DNM2: variants seen among roughly 807,000 people sequenced by gnomAD.
The protein encoded by DNM2 is dynamin 2.
A neutral mutation model predicts 99.0 loss-of-function variants in DNM2; 15 were observed. The observed-to-expected ratio is 0.15, with a 90% CI of 0.10 to 0.23. The LOEUF is 0.23. Ranked by LOEUF, DNM2 falls within the 10% of genes least tolerant of loss-of-function variation. DNM2 has a pLI of 1.00. For synonymous variants in DNM2, 525 were observed against 481.2 expected (o/e 1.09, Z -1.19); for missense variants, 742 against 1,189.4 (o/e 0.62, Z 5.53).
intron 3 of DNM2, among the ~76,000 whole-genome samples, chr19:10,774,882 G>A (rs913461991): frequency 2.3e-4 from 35 of 151,076 alleles, no homozygotes; most frequent in East Asian, 1.9e-4. Flanking sequence ...CGATCCTCCC[G>A]CCTTAGTCTC....
Position 10,816,949 on chromosome 19 carries a change from G to A in DNM2, c.1672-3031G>A, listed in dbSNP as rs939505184. On this transcript the variant is annotated intron_variant, in intron 15 of 20. Coordinates refer to ENST00000389253, the MANE Select transcript of DNM2 (RefSeq NM_001005361.3). The surrounding 1 kb of genome is among the most constrained non-coding windows in gnomAD (Gnocchi z 4.6). ...CTGGAGCAGCAGTGGGAGAAGGGCC[G>A]GGCGCCGGCCGTAATGAGAAACAGC... Among the ~76,000 whole-genome samples, 1 of 152,152 alleles carries A rather than the reference G, an allele frequency of 6.6e-6. No homozygotes were observed. The highest frequency in any genetic ancestry group is 1.5e-5 in the Non-Finnish European group (1 of 68,016).
chr19:10,729,627 G>A (rs999618867), intron 1 of DNM2, among the ~76,000 whole-genome samples: 2 of 152,168 alleles, frequency 1.3e-5, no homozygotes, highest in Middle Eastern at 3.2e-3. Flanking sequence ...GACGCTGCCC[G>A]TGGAATGCCG....
At chr19:10,784,019 G>A (rs1000786110) in intron 6 of DNM2, among the ~76,000 whole-genome samples, 1 of 152,108 alleles carries the variant, frequency 6.6e-6, no homozygotes, top group Non-Finnish European at 1.5e-5. Context: ...CTTCTTGTAA[G>A]TAATTGATTC....
At chr19:10,793,983 G>C in intron 8 of DNM2, 128 bp downstream of exon 8, 1 of 1,497,100 alleles carries the variant, frequency 6.7e-7, no homozygotes, top group Non-Finnish European at 9.2e-7. Flanking sequence ...GTGGTGGGCA[G>C]GGTGTGGCCT....
At position 10,831,871 on chromosome 19, in the gene DNM2, A is replaced by T. The variant is rs868403259; in HGVS notation, c.*824A>T. On this transcript the variant is annotated 3_prime_UTR_variant, in exon 21 of 21. Transcript: ENST00000389253. The surrounding 1 kb of genome is among the most constrained non-coding windows in gnomAD (Gnocchi z 4.3). ...AGTGCCTGCACTCTGTATTCTATTAATAAACTAAAATAAAGGGAAGACGCT... is the reference window on the plus strand; with the variant it reads ...AGTGCCTGCACTCTGTATTCTATTATTAAACTAAAATAAAGGGAAGACGCT... 5 of 1,022,798 alleles carry T rather than the reference A, an allele frequency of 4.9e-6. No homozygotes were observed. The Middle Eastern group carries it at 1.5e-3, about 300-fold the overall frequency. 63.4% of individuals were successfully genotyped at this position (1,022,798 alleles called of 1,614,324 possible).
intron 7 of DNM2, among the ~76,000 whole-genome samples, chr19:10,788,961 G>A (rs2071657531): frequency 6.6e-6 from 1 of 152,236 alleles, no homozygotes; most frequent in Admixed American, 6.5e-5. Flanking sequence ...GGGCCAGAGT[G>A]CTTTTATGCT....
chr19:10,817,372 C>A lies in DNM2; in HGVS notation c.1672-2608C>A. 1 of 475,920 alleles carries A rather than the reference C, an allele frequency of 2.1e-6. No individual in the cohort carries two copies. Among genetic ancestry groups the A allele is most frequent in the South Asian group, 1.5e-5 (1 of 64,966 alleles). 29.5% of individuals were successfully genotyped at this position (475,920 alleles called of 1,614,324 possible). ...AAACGGGGTGGTGGAAAATGACACT[C>A]ACCTGCCGGCGAGTTTGGGGGGCCT... On this transcript the variant is annotated intron_variant, in intron 15 of 20. Transcript: ENST00000389253. The surrounding 1 kb of genome is among the most constrained non-coding windows in gnomAD (Gnocchi z 4.6).
At chr19:10,819,680 G>A (rs1170832458) in intron 15 of DNM2, among the ~76,000 whole-genome samples, 2 of 152,140 alleles carry the variant, frequency 1.3e-5, no homozygotes, top group Non-Finnish European at 2.9e-5. Context: ...AGGTGGGGAG[G>A]GTGCGGGTAG....
intron 13 of DNM2, among the ~76,000 whole-genome samples, chr19:10,806,519 G>A (rs372519901): frequency 1.1e-4 from 16 of 151,732 alleles, no homozygotes; most frequent in Non-Finnish European, 1.9e-4. Flanking sequence ...GGCTGGGCAC[G>A]ATAGCTCACA....
intron 1 of DNM2, among the ~76,000 whole-genome samples, chr19:10,727,969 C>T (rs1231073011): frequency 3.9e-5 from 6 of 152,252 alleles, no homozygotes; most frequent in South Asian, 2.1e-4. Flanking sequence ...AGGGCATTAG[C>T]TACAATCTGA....
At position 10,817,078 on chromosome 19, in the gene DNM2, C is replaced by T. The variant is rs2072769546; in HGVS notation, c.1672-2902C>T. On this transcript the variant is annotated intron_variant, in intron 15 of 20. Coordinates refer to ENST00000389253, the MANE Select transcript of DNM2 (RefSeq NM_001005361.3). The surrounding 1 kb of genome is among the most constrained non-coding windows in gnomAD (Gnocchi z 4.6). ...CCCCCGCCACCACCCAAGTTAGGATCCCAGCAGGGACCCTTGGAGTCACAC... is the reference window on the plus strand; with the variant it reads ...CCCCCGCCACCACCCAAGTTAGGATTCCAGCAGGGACCCTTGGAGTCACAC... 6.6e-6 allele frequency among the ~76,000 whole-genome samples: 1 copy of T among 152,226 alleles called. No homozygotes were observed. Among genetic ancestry groups the T allele is most frequent in the African/African-American group, 2.4e-5 (1 of 41,456 alleles).
intron 5 of DNM2, among the ~76,000 whole-genome samples, chr19:10,780,057 A>T (rs1013262564): frequency 1.3e-5 from 2 of 151,922 alleles, no homozygotes; most frequent in Admixed American, 1.3e-4. Flanking sequence ...CATTTAGAGC[A>T]TTTCTTTTAC....
Position 10,747,039 on chromosome 19 carries a change from T to A in DNM2, c.162-12699T>A, listed in dbSNP as rs946912525. On this transcript the variant is annotated intron_variant, in intron 1 of 20. Coordinates refer to ENST00000389253, the MANE Select transcript of DNM2 (RefSeq NM_001005361.3). ...GGCATGAGCCACCGCACTCAACCAA[T>A]TTTTTTTTTTTTTTTAGTAGTAGAG... Among the ~76,000 whole-genome samples, 95 of 137,438 alleles carry A rather than the reference T, an allele frequency of 6.9e-4. 1 individual carries two copies. The highest frequency in any genetic ancestry group is 2.0e-3 in the African/African-American group (74 of 36,354). The allele number at this position is 137,438 out of a possible 152,430, so 90.2% of individuals were successfully genotyped here.
chr19:10,808,749 C>G, intron 14 of DNM2, 169 bp downstream of exon 14: 2 of 738,406 alleles, frequency 2.7e-6, no homozygotes, highest in Non-Finnish European at 4.3e-6. Context: ...TGCACGTTGC[C>G]CTGGGTATAA....
chr19:10,828,895 A>G, intron 18 of DNM2, 141 bp from the exon 19 acceptor site: 1 of 852,826 alleles, frequency 1.2e-6, no homozygotes, highest in Non-Finnish European at 1.9e-6. Flanking sequence ...ACTGTACTCC[A>G]GCCTGGGTGA....
rs1251070651 is a variant in DNM2, at chr19:10,823,668, C to T, written c.1782-120C>T. 5.4e-6 allele frequency: 5 copies of T among 925,602 alleles called. No individual in the cohort carries two copies. In the Admixed American group the frequency reaches 9.5e-5, roughly 17 times the overall value. 57.3% of individuals were successfully genotyped at this position (925,602 alleles called of 1,614,324 possible). ...GACCCCTCAGCATGACCAGGTGAAG[C>T]CTGGGTTGGGTTTGGGTTCCTGATC... On this transcript the variant is annotated intron_variant, in intron 16 of 20. Coordinates refer to ENST00000389253, the MANE Select transcript of DNM2 (RefSeq NM_001005361.3).
chr19:10,830,388 A>C lies in DNM2; in HGVS notation c.2543+10A>C. The C allele has an allele frequency of 6.2e-7, 1 of 1,605,292 alleles. No homozygotes were observed. Among genetic ancestry groups the C allele is most frequent in the Non-Finnish European group, 8.5e-7 (1 of 1,178,172 alleles). On this transcript the variant is annotated intron_variant, in intron 20 of 20. Coordinates refer to ENST00000389253, the MANE Select transcript of DNM2 (RefSeq NM_001005361.3). The surrounding 1 kb of genome is among the most constrained non-coding windows in gnomAD (Gnocchi z 4.8). ...CCCCAGGAGTGCCCAGGTAAGGCCA[A>C]CCCCCTGCCCTCCACCCCAACTGCC...
At chr19:10,773,681 T>C (rs980449230) in intron 3 of DNM2, among the ~76,000 whole-genome samples, 5 of 151,884 alleles carry the variant, frequency 3.3e-5, no homozygotes, top group African/African-American at 9.7e-5. Context: ...TTGCACAGGC[T>C]GGTCTCGAAC....
At chr19:10,785,974 T>G (rs1006932817) in intron 6 of DNM2, among the ~76,000 whole-genome samples, 1 of 151,936 alleles carries the variant, frequency 6.6e-6, no homozygotes, top group Non-Finnish European at 1.5e-5. Flanking sequence ...AATTTTTGTA[T>G]TTTTTGGTAG....
Sources: gnomAD v4.1 joint callset for allele counts (sites outside exome capture counted in the v4.1 genomes callset) on GRCh38, gnomAD v4.1.1 for gene constraint, Gnocchi (gnomAD v3.1) non-coding constraint, MANE v1.5 for transcripts, NCBI Gene and HGNC (gene_info 2026-07-23, HGNC 2026-07-21) for gene names.